The following TRA2A variants were observed in gnomAD, a reference collection of about 807,000 sequenced individuals.
TRA2A encodes transformer 2 alpha homolog.
In TRA2A, 31 loss-of-function variants were observed where a neutral mutation model predicts 45.7. The observed-to-expected ratio is 0.68, with a 90% CI of 0.51 to 0.92. TRA2A has a LOEUF of 0.92. TRA2A is among the 40% of genes least tolerant of loss of function. TRA2A has a pLI of 0.00. For synonymous variants in TRA2A, 132 were observed against 126.2 expected (o/e 1.05, Z -0.31); for missense variants, 304 against 367.5 (o/e 0.83, Z 1.41).
chr7:23,531,535 C>A (rs1010648634), intron 1 of TRA2A: 8 of 570,688 alleles, frequency 1.4e-5, no homozygotes, highest in Non-Finnish European at 2.5e-5. Flanking sequence ...GGAAGCAATG[C>A]GGGGGCGGGG....
Position 23,505,362 on chromosome 7 carries a change from C to T in TRA2A, c.*197G>A. On this transcript the variant is annotated 3_prime_UTR_variant, in exon 8 of 8. Coordinates refer to ENST00000297071, the MANE Select transcript of TRA2A (RefSeq NM_013293.5). ...CAAGATGTTTAACTGTTCAAAATGA[C>T]AACAATTACATCTTTTAAGAGTATA... The T allele has an allele frequency of 2.4e-6, 1 of 424,468 alleles. No homozygotes were observed. The highest frequency in any genetic ancestry group is 4.2e-6 in the Non-Finnish European group (1 of 239,172). The allele number at this position is 424,468 out of a possible 1,614,324, so 26.3% of individuals were successfully genotyped here.
chr7:23,509,596 T>G (rs1378853982), intron 4 of TRA2A, among the ~76,000 whole-genome samples: 1 of 151,886 alleles, frequency 6.6e-6, no homozygotes, highest in African/African-American at 2.4e-5. Flanking sequence ...ATTAGCTGGG[T>G]GTGGTGGCAT....
chr7:23,515,889 T>C (rs1177885699), intron 3 of TRA2A, among the ~76,000 whole-genome samples: 1 of 148,636 alleles, frequency 6.7e-6, no homozygotes, highest in Non-Finnish European at 1.5e-5. Context: ...AAAAATATAC[T>C]CCCGGCCAGG....
In TRA2A at chr7:23,510,954, T is replaced by C. The variant is rs553353157; in HGVS notation, c.525+1940A>G. On this transcript the variant is annotated intron_variant, in intron 4 of 7. Transcript: ENST00000297071. The stretch of plus-strand genomic sequence containing the variant: ...AGAGTTATCCGGGGTTTCTCAACCT[T>C]AGCACTATTGACATTTTGAGACTGA... Among the ~76,000 whole-genome samples, 10 of 152,300 alleles carry C rather than the reference T, an allele frequency of 6.6e-5. No individual in the cohort carries two copies. In the East Asian group the frequency reaches 1.9e-3, roughly 29 times the overall value.
chr7:23,517,728 A>G (rs974061362), intron 2 of TRA2A, among the ~76,000 whole-genome samples: 1 of 150,942 alleles, frequency 6.6e-6, no homozygotes, highest in African/African-American at 2.4e-5. Context: ...CCTCGCCAAC[A>G]TGGTAAAACC....
At chr7:23,509,277 A>C (rs952741246) in intron 4 of TRA2A, among the ~76,000 whole-genome samples, 6 of 151,264 alleles carry the variant, frequency 4.0e-5, no homozygotes, top group African/African-American at 1.2e-4. Context: ...AGCACCCCCC[A>C]AAAAAACACA....
chr7:23,507,273 A>AT (rs551391274), intron 5 of TRA2A, 147 bp downstream of exon 5: 664 of 605,928 alleles, frequency 1.1e-3, no homozygotes, highest in African/African-American at 6.1e-3. Flanking sequence ...CTGATTTTTT[A>AT]TTTTTTTTTA....
chr7:23,507,901 C>G (rs1482586165), intron 4 of TRA2A, among the ~76,000 whole-genome samples: 1 of 152,170 alleles, frequency 6.6e-6, no homozygotes, highest in Non-Finnish European at 1.5e-5. Context: ...GGAGCGGAGA[C>G]TGAAGTCTTT....
chr7:23,523,582 G>C (rs1790222975), intron 1 of TRA2A, among the ~76,000 whole-genome samples: 1 of 152,288 alleles, frequency 6.6e-6, no homozygotes, highest in South Asian at 2.1e-4. Flanking sequence ...ATCAAGAACT[G>C]TACAAATGCC....
chr7:23,529,777 C>A (rs1160288535), intron 1 of TRA2A, among the ~76,000 whole-genome samples: 1 of 151,762 alleles, frequency 6.6e-6, no homozygotes, highest in East Asian at 1.9e-4. Flanking sequence ...CACAAAGGGC[C>A]GTAAGAGGGC....
chr7:23,531,830 C>T lies in TRA2A; in HGVS notation c.-6G>A, dbSNP rs1222227253. On this transcript the variant is annotated 5_prime_UTR_variant, in exon 1 of 8. Transcript: ENST00000297071. ...TTTTCCTCCACATCACTCATGTCGA[C>T]GAGGCGCTCCCCAGAACTAAATAAG... The T allele has an allele frequency of 6.2e-7, 1 of 1,613,762 alleles. No individual in the cohort carries two copies. The highest frequency in any genetic ancestry group is 8.5e-7 in the Non-Finnish European group (1 of 1,180,022).
chr7:23,509,362 A>G (rs182745671), intron 4 of TRA2A, among the ~76,000 whole-genome samples: 279 of 152,290 alleles, frequency 1.8e-3, no homozygotes, highest in Middle Eastern at 6.8e-3. Context: ...ATGCACACTA[A>G]TAACTTTGAA....
chr7:23,531,324 T>C, intron 1 of TRA2A: 1 of 896,678 alleles, frequency 1.1e-6, no homozygotes, highest in Non-Finnish European at 1.3e-6. Flanking sequence ...CGCCAGCTTC[T>C]CCCCGCCCGG....
At chr7:23,529,610 T>C (rs1004831841) in intron 1 of TRA2A, among the ~76,000 whole-genome samples, 1 of 152,216 alleles carries the variant, frequency 6.6e-6, no homozygotes, top group Non-Finnish European at 1.5e-5. Flanking sequence ...CGCATTGTTC[T>C]AATTCTTTAA....
chr7:23,521,527 G>A (rs1257092304), intron 2 of TRA2A, among the ~76,000 whole-genome samples, 180 bp downstream of exon 2: 2 of 152,132 alleles, frequency 1.3e-5, no homozygotes, highest in Non-Finnish European at 2.9e-5. Context: ...TGGAACTCCT[G>A]GGCTCAAGCC....
chr7:23,515,158 T>C (rs2127994746), intron 3 of TRA2A, among the ~76,000 whole-genome samples: 1 of 152,080 alleles, frequency 6.6e-6, no homozygotes, highest in African/African-American at 2.4e-5. Flanking sequence ...ATCAAAAAAC[T>C]TTGAATATAA....
At chr7:23,519,002 T>C (rs184982942) in intron 2 of TRA2A, among the ~76,000 whole-genome samples, 19 of 152,316 alleles carry the variant, frequency 1.2e-4, no homozygotes, top group Non-Finnish European at 2.4e-4. Context: ...CCTTTACTTA[T>C]TGATGCTTTC....
chr7:23,511,519 AAAAGTATTG>A (rs2127992839), intron 4 of TRA2A, among the ~76,000 whole-genome samples: 1 of 151,940 alleles, frequency 6.6e-6, no homozygotes, highest in South Asian at 2.1e-4. Flanking sequence ...TAACAAAACT[AAAAGTATTG>A]AGCTTCAAAT....
chr7:23,527,955 G>A (rs1394674665), intron 1 of TRA2A, among the ~76,000 whole-genome samples: 1 of 151,948 alleles, frequency 6.6e-6, no homozygotes, highest in Admixed American at 6.6e-5. Flanking sequence ...GGGGAGAGGA[G>A]AACAACTGAA....
Sources: gnomAD v4.1 joint callset for allele counts (sites outside exome capture counted in the v4.1 genomes callset) on GRCh38, gnomAD v4.1.1 for gene constraint, MANE v1.5 for transcripts, NCBI Gene and HGNC (gene_info 2026-07-23, HGNC 2026-07-21) for gene names.